The following COL11A1 variants were observed in gnomAD, a reference collection of about 807,000 sequenced individuals.
The protein encoded by COL11A1 is collagen type XI alpha 1 chain, also known as collagen alpha-1(XI) chain.
COL11A1 carries 74 observed loss-of-function variants against 265.2 expected under a neutral mutation model. That is an observed-to-expected ratio of 0.28 (90% CI 0.23 to 0.34). The LOEUF (loss-of-function observed/expected upper bound fraction) is 0.34. Ranked by LOEUF, COL11A1 falls within the 10% of genes least tolerant of loss-of-function variation. COL11A1 has a pLI of 1.00. For synonymous variants in COL11A1, 816 were observed against 727.6 expected (o/e 1.12, Z -1.96); for missense variants, 2,165 against 2,263.6 (o/e 0.96, Z 0.88).
At chr1:103,086,809 CT>C (rs35530457) in intron 1 of COL11A1, among the ~76,000 whole-genome samples, 77,578 of 149,234 alleles carry the variant, frequency 0.52, 22,730 homozygotes, top group East Asian at 0.91. Context: ...TCAACCAAGC[CT>C]TTTTTTTTTT....
Position 102,886,863 on chromosome 1 carries a change from G to A in COL11A1, c.4802C>T (p.Thr1601Ile), listed in dbSNP as rs143206624. The change falls in exon 63 of 67, where the codon ACC becomes ATC. Residue 1601 changes from threonine (T) to isoleucine (I), a missense_variant. Physicochemically the swap from Thr to Ile is moderately conservative, Grantham distance 89. Coordinates refer to ENST00000370096, the MANE Select transcript of COL11A1 (RefSeq NM_001854.4). Reference sequence around the variant, plus strand: ...GTCTTTACAAGTTCGGGCTGGATTGGTCTGAGTACCCATTGGAAATTTCAT... The same window carrying A: ...GTCTTTACAAGTTCGGGCTGGATTGATCTGAGTACCCATTGGAAATTTCAT... Reference protein sequence around the residue: ...EHMKFPMGTQTNPARTCKDLQ... With the variant: ...EHMKFPMGTQINPARTCKDLQ... 1.9e-5 allele frequency: 31 copies of A among 1,613,886 alleles called. No individual in the cohort carries two copies. The East Asian group carries it at 6.9e-4, about 36-fold the overall frequency.
At chr1:102,879,943 C>A (rs943051293) in intron 65 of COL11A1, 27 bp from the exon 66 acceptor site, 6 of 1,409,476 alleles carry the variant, frequency 4.3e-6, no homozygotes, top group Admixed American at 1.7e-5. Context: ...AAAAAGACAC[C>A]TAATGACTCT....
At chr1:102,932,893 A>C (rs1385103828) in intron 46 of COL11A1, among the ~76,000 whole-genome samples, 1 of 151,072 alleles carries the variant, frequency 6.6e-6, no homozygotes, top group Non-Finnish European at 1.5e-5. Context: ...TCGGCTCCTG[A>C]GGCTTCTGCA....
At chr1:102,978,667 A>G (rs1557896276) in intron 35 of COL11A1, 41 bp downstream of exon 35, 8 of 1,595,448 alleles carry the variant, frequency 5.0e-6, no homozygotes, top group Non-Finnish European at 6.9e-6. Flanking sequence ...TTGCAGAAAT[A>G]CTAATTTTCA....
chr1:102,997,758 A>G (rs1319473419), intron 25 of COL11A1, among the ~76,000 whole-genome samples: 1 of 152,016 alleles, frequency 6.6e-6, no homozygotes, highest in Non-Finnish European at 1.5e-5. Flanking sequence ...TAGAGATTAC[A>G]TAATTTCATT....
At chr1:102,972,318 A>G (rs1054452917) in intron 36 of COL11A1, among the ~76,000 whole-genome samples, 1 of 152,146 alleles carries the variant, frequency 6.6e-6, no homozygotes, top group Admixed American at 6.5e-5. Flanking sequence ...AAGATTAAAT[A>G]TCTCATATTT....
At chr1:102,989,281 T>C (rs1483134745) in intron 29 of COL11A1, among the ~76,000 whole-genome samples, 1 of 151,842 alleles carries the variant, frequency 6.6e-6, no homozygotes, top group Non-Finnish European at 1.5e-5. Context: ...CACGCGTGCA[T>C]GCTCATGTTT....
intron 54 of COL11A1, 56 bp from the exon 55 acceptor site, chr1:102,899,050 G>T: frequency 3.9e-6 from 4 of 1,030,338 alleles, no homozygotes; most frequent in South Asian, 3.5e-5. Context: ...TAATGTTAAT[G>T]AGCACTTGTT....
intron 4 of COL11A1, among the ~76,000 whole-genome samples, chr1:103,071,765 G>A (rs2102266487): frequency 6.6e-6 from 1 of 150,916 alleles, no homozygotes; most frequent in Middle Eastern, 3.5e-3. Flanking sequence ...AAATGTCATG[G>A]TTGTAAAATC....
At position 102,995,901 on chromosome 1, in the gene COL11A1, T is replaced by A; in HGVS notation, c.2303A>T (p.Asp768Val). Residue 768 changes from aspartate to valine, a missense_variant, in exon 28 of 67, where the codon GAT becomes GTT. By Grantham distance (152) the Asp-to-Val change is radical. Transcript: ENST00000370096. ...AGATCCCTTGAGACCTCTGACACCA[T>A]CTGCTCCCTGTGGAATAAATTAGAA... ...YPGPRGVKGA[D>V]GVRGLKGSKG... is the part of the protein sequence containing the mutation. 1 of 1,611,954 alleles carries A rather than the reference T, an allele frequency of 6.2e-7. No individual in the cohort carries two copies. The highest frequency in any genetic ancestry group is 8.5e-7 in the Non-Finnish European group (1 of 1,178,992).
chr1:102,910,862 A>G (rs1239211898), intron 54 of COL11A1, among the ~76,000 whole-genome samples: 28 of 151,586 alleles, frequency 1.8e-4, no homozygotes, highest in Non-Finnish European at 2.9e-5. Context: ...GCATCCCACC[A>G]TCTGAGGCCA....
At chr1:103,030,236 T>C (rs903510121) in intron 5 of COL11A1, among the ~76,000 whole-genome samples, 1 of 152,076 alleles carries the variant, frequency 6.6e-6, no homozygotes, top group Admixed American at 6.6e-5. Context: ...AATTTTACCC[T>C]GTTTTTTAAA....
At chr1:102,881,575 G>A (rs1037624920) in intron 65 of COL11A1, 122 bp downstream of exon 65, 7 of 801,400 alleles carry the variant, frequency 8.7e-6, no homozygotes, top group African/African-American at 6.8e-5. Flanking sequence ...ACAAACTAGA[G>A]ACCACAGGGA....
At chr1:102,990,000 AC>A (rs1663970662) in intron 28 of COL11A1, among the ~76,000 whole-genome samples, 1 of 152,104 alleles carries the variant, frequency 6.6e-6, no homozygotes, top group South Asian at 2.1e-4. Context: ...AACCTGGGCC[AC>A]ATGGCAAAAC....
intron 64 of COL11A1, among the ~76,000 whole-genome samples, chr1:102,882,494 A>G (rs189526083): frequency 1.3e-5 from 2 of 152,234 alleles, no homozygotes; most frequent in East Asian, 1.9e-4. Context: ...CAGAAACTTA[A>G]CTTTTCTCCC....
At chr1:102,914,284 T>C in intron 52 of COL11A1, 68 bp downstream of exon 52, 10 of 1,255,432 alleles carry the variant, frequency 8.0e-6, no homozygotes, top group Non-Finnish European at 1.1e-5. Context: ...TTTTTTTTCT[T>C]TATTAACAAT....
At chr1:103,013,095 G>A (rs1666260841) in intron 13 of COL11A1, among the ~76,000 whole-genome samples, 2 of 152,026 alleles carry the variant, frequency 1.3e-5, no homozygotes, top group Non-Finnish European at 2.9e-5. Context: ...CAGTACAAAA[G>A]ATAAAAATTT....
chr1:103,019,701 T>G (rs930871054), intron 9 of COL11A1, among the ~76,000 whole-genome samples: 1 of 150,912 alleles, frequency 6.6e-6, no homozygotes, highest in African/African-American at 2.4e-5. Context: ...ACTCGTCATC[T>G]AGCATTAGGT....
chr1:103,082,726 A>T, intron 2 of COL11A1, 79 bp downstream of exon 2: 1 of 1,234,886 alleles, frequency 8.1e-7, no homozygotes, highest in African/African-American at 1.5e-5. Context: ...GTAAAGAAAT[A>T]CTAAAAGTAG....
Sources: gnomAD v4.1 joint callset for allele counts (sites outside exome capture counted in the v4.1 genomes callset) on GRCh38, gnomAD v4.1.1 for gene constraint, MANE v1.5 for transcripts, NCBI Gene and HGNC (gene_info 2026-07-23, HGNC 2026-07-21) for gene names.